The following DCC variants were observed in gnomAD, a reference collection of about 807,000 sequenced individuals.
DCC encodes the protein DCC netrin 1 receptor, also known as netrin receptor DCC.
A neutral mutation model predicts 172.5 loss-of-function variants in DCC; 58 were observed. The observed-to-expected ratio is 0.34, with a 90% CI of 0.27 to 0.42. The LOEUF (loss-of-function observed/expected upper bound fraction) is 0.42, where lower values mean the gene tolerates loss of function less well. Ranked by LOEUF, DCC falls within the 10% of genes least tolerant of loss-of-function variation. The probability of loss-of-function intolerance (pLI) is 1.00; values close to 1 mark genes in which losing one functional copy is unlikely to be tolerated. For synonymous variants in DCC, 709 were observed against 644.5 expected (o/e 1.10, Z -1.52); for missense variants, 1,740 against 1,791.0 (o/e 0.97, Z 0.51).
intron 2 of DCC, among the ~76,000 whole-genome samples, chr18:52,898,788 G>A (rs1359851397): frequency 2.6e-5 from 4 of 151,978 alleles, no homozygotes; most frequent in African/African-American, 9.7e-5. Context: ...CCTGGTGACA[G>A]CAAATATTTG....
chr18:52,839,759 G>A (rs1203249415), intron 2 of DCC, among the ~76,000 whole-genome samples: 6 of 152,182 alleles, frequency 3.9e-5, no homozygotes, highest in Admixed American at 2.0e-4. Context: ...TTCAGTTTGT[G>A]CAACAGTACC....
intron 12 of DCC, among the ~76,000 whole-genome samples, chr18:53,245,141 A>C (rs1040196596): frequency 7.2e-5 from 11 of 152,040 alleles, no homozygotes; most frequent in African/African-American, 2.4e-4. Flanking sequence ...AATTCACCTA[A>C]TTCACCCCCT....
intron 5 of DCC, among the ~76,000 whole-genome samples, chr18:53,053,158 C>A (rs1234714392): frequency 1.3e-5 from 2 of 151,864 alleles, no homozygotes; most frequent in Admixed American, 6.6e-5. Context: ...AAATCAAAAA[C>A]AAACAAACAA....
At chr18:52,764,598 A>T (rs992127358) in intron 2 of DCC, among the ~76,000 whole-genome samples, 1 of 152,190 alleles carries the variant, frequency 6.6e-6, no homozygotes, top group Non-Finnish European at 1.5e-5. Context: ...ATGTCTGTAC[A>T]TGCTGGCTTC....
chr18:53,313,399 C>T (rs930038627), intron 13 of DCC, among the ~76,000 whole-genome samples: 5 of 152,042 alleles, frequency 3.3e-5, no homozygotes, highest in African/African-American at 1.2e-4. Flanking sequence ...ACGTGCGTCA[C>T]CACGTCAGGC....
intron 15 of DCC, among the ~76,000 whole-genome samples, chr18:53,343,418 C>CT (rs965132549): frequency 1.5e-4 from 23 of 151,108 alleles, no homozygotes; most frequent in African/African-American, 2.4e-4. Context: ...TTGAAATGAA[C>CT]TTTTTTTTTC....
chr18:53,255,205 T>G (rs1271932737), intron 12 of DCC, among the ~76,000 whole-genome samples: 1 of 151,674 alleles, frequency 6.6e-6, no homozygotes, highest in Non-Finnish European at 1.5e-5. Flanking sequence ...GTGGGGAGGT[T>G]TTTTGTTTTT....
intron 14 of DCC, among the ~76,000 whole-genome samples, chr18:53,330,089 T>C (rs1313924171): frequency 1.3e-5 from 2 of 152,160 alleles, no homozygotes; most frequent in Non-Finnish European, 2.9e-5. Context: ...GAGGGTAAAG[T>C]CATCACATCT....
At chr18:53,283,095 C>G (rs1160639331) in intron 12 of DCC, among the ~76,000 whole-genome samples, 1 of 152,036 alleles carries the variant, frequency 6.6e-6, no homozygotes, top group African/African-American at 2.4e-5. Context: ...TTACAAGTAA[C>G]CTGCAGGCAA....
At chr18:52,730,894 A>G (rs572345728) in intron 1 of DCC, among the ~76,000 whole-genome samples, 2 of 152,326 alleles carry the variant, frequency 1.3e-5, no homozygotes, top group South Asian at 2.1e-4. Flanking sequence ...TTCAGACTTC[A>G]TTGGTTTTCT....
At chr18:52,877,290 G>A (rs555657338) in intron 2 of DCC, among the ~76,000 whole-genome samples, 7 of 152,300 alleles carry the variant, frequency 4.6e-5, no homozygotes, top group Admixed American at 1.3e-4. Flanking sequence ...AACTGAAAGT[G>A]TCTCCAGACA....
intron 2 of DCC, among the ~76,000 whole-genome samples, chr18:52,780,128 T>C (rs1260156624): frequency 6.6e-6 from 1 of 152,190 alleles, no homozygotes; most frequent in East Asian, 1.9e-4. Context: ...TGCAGGTTCA[T>C]TTCTAGTACA....
intron 12 of DCC, among the ~76,000 whole-genome samples, chr18:53,241,888 A>G (rs2056300072): frequency 1.3e-5 from 2 of 152,128 alleles, no homozygotes; most frequent in South Asian, 2.1e-4. Flanking sequence ...AGACTCCTCA[A>G]TAGAAGGTAG....
At position 52,765,648 on chromosome 18, in the gene DCC, C is replaced by T. The variant is rs75318725; in HGVS notation, c.412+13274C>T. 7.9e-5 allele frequency among the ~76,000 whole-genome samples: 12 copies of T among 152,176 alleles called. No homozygotes were observed. In the East Asian group the frequency reaches 1.9e-3, roughly 25 times the overall value. On this transcript the variant is annotated intron_variant, in intron 2 of 28. Transcript: ENST00000442544. ...TATCTTTACAAGGCTCCTAGACAAA[C>T]ACGCCTCCTTCCCTGGCCAAAGATC...
intron 1 of DCC, among the ~76,000 whole-genome samples, chr18:52,700,733 A>T (rs1019165582): frequency 1.3e-5 from 2 of 152,238 alleles, no homozygotes; most frequent in Non-Finnish European, 2.9e-5. Flanking sequence ...CTTAAAATGA[A>T]GACAAGTTCT....
chr18:52,432,227 A>G (rs546443102), intron 1 of DCC, among the ~76,000 whole-genome samples: 4 of 152,188 alleles, frequency 2.6e-5, no homozygotes, highest in East Asian at 1.9e-4. Context: ...TTAATAATGC[A>G]TGGCTCTCAT....
intron 2 of DCC, among the ~76,000 whole-genome samples, chr18:52,862,751 T>G (rs893514895): frequency 1.3e-5 from 2 of 150,680 alleles, no homozygotes; most frequent in Admixed American, 6.6e-5. Flanking sequence ...TCAAAAACAC[T>G]TACTCTTTTA....
At chr18:52,853,252 A>G (rs141239262) in intron 2 of DCC, among the ~76,000 whole-genome samples, 7 of 152,294 alleles carry the variant, frequency 4.6e-5, no homozygotes, top group Non-Finnish European at 1.0e-4. Context: ...CCTGGCACAG[A>G]GCTGGGCACA....
At chr18:52,800,364 A>T (rs1220079175) in intron 2 of DCC, among the ~76,000 whole-genome samples, 1 of 152,250 alleles carries the variant, frequency 6.6e-6, no homozygotes, top group African/African-American at 2.4e-5. Context: ...TGGAATAGAA[A>T]AGATAGTATT....
Sources: gnomAD v4.1 joint callset for allele counts (sites outside exome capture counted in the v4.1 genomes callset) on GRCh38, gnomAD v4.1.1 for gene constraint, MANE v1.5 for transcripts, NCBI Gene and HGNC (gene_info 2026-07-23, HGNC 2026-07-21) for gene names.